Variants in OSTN observed in about 807,000 individuals in gnomAD.
OSTN encodes the protein osteocrin.
A neutral mutation model predicts 12.0 loss-of-function variants in OSTN; 9 were observed. The observed-to-expected ratio is 0.75, with a 90% CI of 0.45 to 1.30. OSTN has a LOEUF of 1.30. Ranked by LOEUF, OSTN falls within the 50% of genes most tolerant of loss-of-function variation. The pLI, the probability that OSTN is intolerant of heterozygous loss-of-function variation, is 0.00. For synonymous variants in OSTN, 59 were observed against 56.9 expected (o/e 1.04, Z -0.16); for missense variants, 148 against 152.3 (o/e 0.97, Z 0.15).
chr3:191,231,529 A>G (rs567755954), intron 3 of OSTN, among the ~76,000 whole-genome samples: 6 of 152,168 alleles, frequency 3.9e-5, no homozygotes, highest in Admixed American at 2.0e-4. Flanking sequence ...TATTTTTTCA[A>G]ATTCTATGAG....
chr3:191,213,552 T>C (rs1343594400), intron 2 of OSTN, among the ~76,000 whole-genome samples: 2 of 152,148 alleles, frequency 1.3e-5, no homozygotes, highest in Non-Finnish European at 2.9e-5. Flanking sequence ...GTTGTTTGCA[T>C]GCCAAAATTT....
intron 1 of OSTN, among the ~76,000 whole-genome samples, chr3:191,206,232 A>G (rs1714271094): frequency 2.0e-5 from 3 of 152,056 alleles, no homozygotes; most frequent in East Asian, 3.8e-4. Flanking sequence ...AAATAAATAT[A>G]TTACCATATG....
At chr3:191,245,081 G>T (rs1715400196) in intron 3 of OSTN, among the ~76,000 whole-genome samples, 2 of 152,078 alleles carry the variant, frequency 1.3e-5, no homozygotes, top group African/African-American at 4.8e-5. Flanking sequence ...TTCAGATATT[G>T]CTCTCTTTTA....
intron 3 of OSTN, among the ~76,000 whole-genome samples, chr3:191,227,045 A>G (rs1224571381): frequency 6.6e-6 from 1 of 152,156 alleles, no homozygotes; most frequent in Non-Finnish European, 1.5e-5. Context: ...ATGACAAAAG[A>G]TACCATAAAA....
chr3:191,228,927 C>G (rs1404671362), intron 3 of OSTN: 1 of 152,136 alleles, frequency 6.6e-6, no homozygotes, highest in African/African-American at 2.4e-5. Flanking sequence ...TTGTCATTAA[C>G]TGTTGTTAGC....
At chr3:191,215,493 C>T (rs12107865) in intron 2 of OSTN, among the ~76,000 whole-genome samples, 116 of 152,274 alleles carry the variant, frequency 7.6e-4, no homozygotes, top group African/African-American at 2.6e-3. Flanking sequence ...TCATCTGAGA[C>T]AAGGCAAGTC....
rs1485942784 is a variant in OSTN, at chr3:191,265,096, T to C, written c.*2243T>C. The C allele has an allele frequency of 6.6e-6, 1 of 152,174 alleles. No homozygotes were observed. The highest frequency in any genetic ancestry group is 1.5e-5 in the Non-Finnish European group (1 of 67,990). 9.4% of individuals were successfully genotyped at this position (152,174 alleles called of 1,614,324 possible). A position where few individuals can be genotyped will look rare whatever the true frequency, so the allele number is the denominator to read the frequency against. ...GAAAATAAGTCAGCAATATACTAAA[T>C]AATGGGGCTATTCTTTTAACATAGC... On this transcript the variant is annotated 3_prime_UTR_variant, in exon 5 of 5. Coordinates refer to ENST00000682035, the MANE Select transcript of OSTN (RefSeq NM_198184.2).
rs1203741995 is a variant in OSTN at position 191,264,821 on chromosome 3, G to A, written c.*1968G>A. ...TACTTTAGCCTAAAACTTTCTCATG[G>A]TAAATATTGGAAGTTGGATTATGCA... On this transcript the variant is annotated 3_prime_UTR_variant, in exon 5 of 5. Transcript: ENST00000682035. 1 of 152,096 alleles carries A rather than the reference G, an allele frequency of 6.6e-6. No homozygotes were observed. Among genetic ancestry groups the A allele is most frequent in the Non-Finnish European group, 1.5e-5 (1 of 67,986 alleles). The allele number at this position is 152,096 out of a possible 1,614,324, so 9.4% of individuals were successfully genotyped here.
At chr3:191,217,989 C>T (rs908109600) in intron 2 of OSTN, among the ~76,000 whole-genome samples, 4 of 150,930 alleles carry the variant, frequency 2.7e-5, no homozygotes, top group Non-Finnish European at 5.9e-5. Flanking sequence ...GAGCAAAATA[C>T]GAGATGAAGC....
At chr3:191,209,564 T>C (rs1380949463) in intron 1 of OSTN, among the ~76,000 whole-genome samples, 1 of 152,232 alleles carries the variant, frequency 6.6e-6, no homozygotes, top group Non-Finnish European at 1.5e-5. Context: ...GATTAATTGG[T>C]GTCAAAATGA....
intron 3 of OSTN, among the ~76,000 whole-genome samples, chr3:191,221,106 G>T (rs1044908350): frequency 8.5e-5 from 13 of 152,080 alleles, no homozygotes; most frequent in African/African-American, 2.7e-4. Context: ...TCTCCCTTTC[G>T]CTCTGCTCTT....
At chr3:191,252,692 A>G (rs1379736992) in intron 4 of OSTN, among the ~76,000 whole-genome samples, 1 of 152,192 alleles carries the variant, frequency 6.6e-6, no homozygotes, top group Admixed American at 6.5e-5. Context: ...GATTTCTCTC[A>G]GACATTTGTT....
intron 3 of OSTN, among the ~76,000 whole-genome samples, chr3:191,230,362 G>A (rs1212047589): frequency 2.0e-5 from 3 of 151,200 alleles, no homozygotes; most frequent in Admixed American, 6.6e-5. Context: ...TCAGGAGATC[G>A]AGACCATTCT....
intron 1 of OSTN, among the ~76,000 whole-genome samples, chr3:191,203,623 G>A (rs1714201575): frequency 6.6e-6 from 1 of 152,092 alleles, no homozygotes; most frequent in Non-Finnish European, 1.5e-5. Context: ...TTCAGGGACA[G>A]TCATTTTAAA....
chr3:191,214,436 C>CAAAA (rs71298518), intron 2 of OSTN, among the ~76,000 whole-genome samples: 1 of 19,344 alleles, frequency 5.2e-5, no homozygotes, highest in African/African-American at 1.2e-4. Context: ...GACTCCATCT[C>CAAAA]AAAAAAAAAA....
chr3:191,226,941 C>G (rs959960733), intron 3 of OSTN, among the ~76,000 whole-genome samples: 1 of 151,844 alleles, frequency 6.6e-6, no homozygotes, highest in Non-Finnish European at 1.5e-5. Flanking sequence ...GGAAGTTCTA[C>G]ATAGAGAAGG....
chr3:191,240,821 C>G (rs1715301329), intron 3 of OSTN, among the ~76,000 whole-genome samples: 1 of 152,372 alleles, frequency 6.6e-6, no homozygotes, highest in East Asian at 1.9e-4. Context: ...TGTTAGCATG[C>G]ACTTAGGAAA....
At chr3:191,239,934 G>T (rs1342429853) in intron 3 of OSTN, among the ~76,000 whole-genome samples, 1 of 152,296 alleles carries the variant, frequency 6.6e-6, no homozygotes, top group Admixed American at 6.5e-5. Flanking sequence ...ATAAAAGTCT[G>T]TCTAATACAG....
chr3:191,212,338 C>T (rs1714479040), intron 1 of OSTN, among the ~76,000 whole-genome samples, 195 bp from the exon 2 acceptor site: 1 of 152,110 alleles, frequency 6.6e-6, no homozygotes, highest in South Asian at 2.1e-4. Flanking sequence ...GGAAAAGAAA[C>T]CTTGACAGAA....
Sources: allele counts gnomAD v4.1 joint callset (sites outside exome capture counted in the v4.1 genomes callset), GRCh38; gene constraint gnomAD v4.1.1; transcripts MANE v1.5; gene names NCBI Gene and HGNC (gene_info 2026-07-23, HGNC 2026-07-21).